The following PTPN14 variants were observed in gnomAD, a reference collection of about 807,000 sequenced individuals.
The protein encoded by PTPN14 is tyrosine-protein phosphatase non-receptor type 14.
In PTPN14, 53 loss-of-function variants were observed where a neutral mutation model predicts 126.8. The observed-to-expected ratio is 0.42, with a 90% CI of 0.34 to 0.53. The LOEUF is 0.53. PTPN14 is among the 20% of genes least tolerant of loss of function. The pLI is 0.08. For synonymous variants in PTPN14, 630 were observed against 599.3 expected, an observed-to-expected ratio of 1.05 and a Z score of -0.75; for missense variants, 1,257 against 1,552.9, an observed-to-expected ratio of 0.81 and a Z score of 3.20.
At chr1:214,407,450 G>A (rs1659197028) in intron 5 of PTPN14, among the ~76,000 whole-genome samples, 1 of 151,582 alleles carries the variant, frequency 6.6e-6, no homozygotes, top group Non-Finnish European at 1.5e-5. Context: ...GAGCTGAGAT[G>A]GTGCCATTGC....
intron 7 of PTPN14, among the ~76,000 whole-genome samples, chr1:214,399,261 G>A (rs903393013): frequency 1.3e-5 from 2 of 152,248 alleles, no homozygotes; most frequent in African/African-American, 2.4e-5. Flanking sequence ...TGTGTCGGCG[G>A]GGTCAGGTCC....
At chr1:214,505,299 C>G (rs1283886795) in intron 1 of PTPN14, among the ~76,000 whole-genome samples, 1 of 152,012 alleles carries the variant, frequency 6.6e-6, no homozygotes, top group African/African-American at 2.4e-5. Context: ...AAAGGGAACA[C>G]CCAGGGAAGC....
At chr1:214,362,418 G>A (rs544606745) in intron 18 of PTPN14, among the ~76,000 whole-genome samples, 1 of 152,220 alleles carries the variant, frequency 6.6e-6, no homozygotes, top group Non-Finnish European at 1.5e-5. Flanking sequence ...GAGGAAATCC[G>A]CTATGTTTGG....
rs145810755 is a variant in PTPN14, at chr1:214,372,780, C to T, written c.2967G>A (p.Thr989=). The T allele has an allele frequency of 2.6e-4, 419 of 1,614,156 alleles. No individual in the cohort carries two copies. The African/African-American group carries it at 4.8e-3, about 19-fold the overall frequency. ...ACACCATCTGCCAGAAGTCGTGGCACGTGTGTGGCAGGGGCCCCTGGGTGG... is the reference window on the plus strand; with the variant it reads ...ACACCATCTGCCAGAAGTCGTGGCATGTGTGTGGCAGGGGCCCCTGGGTGG... ...YIATQGPLPH[T]CHDFWQMVWE... is the part of the protein sequence containing the mutation. The change falls in exon 16 of 19, where the codon ACG becomes ACA. Residue 989 remains threonine, a synonymous_variant. Transcript: ENST00000366956.
At chr1:214,441,265 T>A (rs1166381760) in intron 3 of PTPN14, among the ~76,000 whole-genome samples, 1 of 152,216 alleles carries the variant, frequency 6.6e-6, no homozygotes, top group Non-Finnish European at 1.5e-5. Context: ...CACATAAATG[T>A]TAGCTGCTAC....
chr1:214,481,511 CAAAAAAAAAA>C (rs371949252), intron 1 of PTPN14, among the ~76,000 whole-genome samples: 1 of 67,456 alleles, frequency 1.5e-5, no homozygotes, highest in Non-Finnish European at 2.5e-5. Flanking sequence ...AACTCCCGCT[CAAAAAAAAAA>C]AAAAAAAAAA....
chr1:214,502,243 T>TC (rs1275582074), intron 1 of PTPN14, among the ~76,000 whole-genome samples: 1 of 152,058 alleles, frequency 6.6e-6, no homozygotes, highest in East Asian at 1.9e-4. Flanking sequence ...GACCCCCTAT[T>TC]CCACCATCCT....
At chr1:214,444,042 T>G (rs1038205127) in intron 3 of PTPN14, among the ~76,000 whole-genome samples, 5 of 152,184 alleles carry the variant, frequency 3.3e-5, no homozygotes, top group South Asian at 2.1e-4. Context: ...TCCCACTAAC[T>G]AGCAAAGTGT....
chr1:214,512,614 A>T (rs1290028251), intron 1 of PTPN14, among the ~76,000 whole-genome samples: 3 of 152,184 alleles, frequency 2.0e-5, no homozygotes, highest in African/African-American at 7.2e-5. Flanking sequence ...AAATTTCTGG[A>T]GATTGCAGCA....
chr1:214,500,555 C>G (rs141585514), intron 1 of PTPN14, among the ~76,000 whole-genome samples: 1 of 152,238 alleles, frequency 6.6e-6, no homozygotes, highest in East Asian at 1.9e-4. Flanking sequence ...CTTGAGGCAT[C>G]GGCTCACTGA....
At position 214,369,684 on chromosome 1, in the gene PTPN14, C is replaced by A; in HGVS notation, c.3044G>T (p.Gly1015Val). Residue 1015 changes from glycine to valine, a missense_variant, in exon 17 of 19, where the codon GGA becomes GTA. Gly to Val is a moderately radical substitution (Grantham distance 109). This residue lies in a region of PTPN14 where 171 missense variants were observed against 229.8 expected (regional missense o/e 0.74). Transcript: ENST00000366956. ...IAMVTAEEEG[G>V]RTKSHRYWPK... Reference sequence around the variant, plus strand: ...CCAGTATCGGTGGCTTTTGGTTCGTCCACCCTCCTAAATCACATATAAAAG... The same window carrying A: ...CCAGTATCGGTGGCTTTTGGTTCGTACACCCTCCTAAATCACATATAAAAG... 6.2e-7 allele frequency: 1 copy of A among 1,614,056 alleles called. No homozygotes were observed. Among genetic ancestry groups the A allele is most frequent in the Non-Finnish European group, 8.5e-7 (1 of 1,179,952 alleles).
chr1:214,426,805 G>GT (rs555218028), intron 3 of PTPN14, among the ~76,000 whole-genome samples: 187 of 152,272 alleles, frequency 1.2e-3, no homozygotes, highest in Non-Finnish European at 1.9e-3. Context: ...ATTCAGGGGC[G>GT]TGAAGCCCAG....
intron 1 of PTPN14, among the ~76,000 whole-genome samples, chr1:214,545,295 GAAAAGTCC>G (rs1373502460): frequency 6.6e-6 from 1 of 152,160 alleles, no homozygotes; most frequent in Non-Finnish European, 1.5e-5. Context: ...CTGGAGGCTG[GAAAAGTCC>G]AAAAGCATGG....
chr1:214,429,682 G>T (rs1374872676), intron 3 of PTPN14, among the ~76,000 whole-genome samples: 1 of 152,132 alleles, frequency 6.6e-6, no homozygotes, highest in Non-Finnish European at 1.5e-5. Context: ...AACAATGAAT[G>T]AAAAATCCTT....
chr1:214,470,199 G>A (rs1191619683), intron 1 of PTPN14, among the ~76,000 whole-genome samples: 2 of 152,100 alleles, frequency 1.3e-5, no homozygotes, highest in Non-Finnish European at 2.9e-5. Flanking sequence ...TGAGGCAGGA[G>A]GATCACTTGA....
At chr1:214,444,624 T>C (rs751942934) in intron 3 of PTPN14, among the ~76,000 whole-genome samples, 4 of 152,196 alleles carry the variant, frequency 2.6e-5, no homozygotes, top group Non-Finnish European at 5.9e-5. Context: ...ACAAGGCAGA[T>C]TGCAGGAGTC....
intron 1 of PTPN14, among the ~76,000 whole-genome samples, chr1:214,500,859 C>T (rs1354779061): frequency 6.6e-6 from 1 of 152,090 alleles, no homozygotes; most frequent in East Asian, 1.9e-4. Flanking sequence ...TCATCATTAA[C>T]ATGAAGAAAA....
At chr1:214,458,088 C>T (rs957774468) in intron 2 of PTPN14, among the ~76,000 whole-genome samples, 1 of 152,122 alleles carries the variant, frequency 6.6e-6, no homozygotes, top group African/African-American at 2.4e-5. Flanking sequence ...TTCACTCTGT[C>T]ACCCAGGCTG....
intron 17 of PTPN14, among the ~76,000 whole-genome samples, chr1:214,368,261 T>A (rs992221171): frequency 3.3e-5 from 5 of 151,506 alleles, no homozygotes; most frequent in African/African-American, 4.9e-5. Flanking sequence ...CAGACTGAAG[T>A]GCAATGATGC....
Sources: gnomAD v4.1 joint callset for allele counts (sites outside exome capture counted in the v4.1 genomes callset) on GRCh38, gnomAD v4.1.1 for gene constraint, gnomAD v4.1.1 regional missense constraint, MANE v1.5 for transcripts, NCBI Gene and HGNC (gene_info 2026-07-23, HGNC 2026-07-21) for gene names.